Variants in MTDH observed in about 807,000 individuals in gnomAD.
MTDH encodes protein LYRIC.
In MTDH, 34 loss-of-function variants were observed where a neutral mutation model predicts 72.7. The observed-to-expected ratio is 0.47, with a 90% CI of 0.36 to 0.62. MTDH has a LOEUF of 0.62. Among genes scored for constraint, MTDH ranks in the 20% least tolerant of loss-of-function variants. MTDH has a pLI of 0.00. For missense variants in MTDH, 677 were observed against 699.4 expected, an observed-to-expected ratio of 0.97 and a Z score of 0.36; for synonymous variants, 266 against 268.9, an observed-to-expected ratio of 0.99 and a Z score of 0.10.
At chr8:97,659,975 A>G (rs1238448205) in intron 1 of MTDH, among the ~76,000 whole-genome samples, 4 of 152,178 alleles carry the variant, frequency 2.6e-5, no homozygotes, top group South Asian at 4.1e-4. Context: ...CCAGACCAAC[A>G]TGGTGAAACC....
chr8:97,648,227 A>G (rs1035686279), intron 1 of MTDH, among the ~76,000 whole-genome samples: 1 of 152,034 alleles, frequency 6.6e-6, no homozygotes, highest in East Asian at 1.9e-4. Context: ...GAGGGGGGCC[A>G]CTTTTTACTG....
chr8:97,708,264 C>CTTTTTTTTTTTTTTTTT (rs71271145), intron 8 of MTDH, among the ~76,000 whole-genome samples: 1 of 32,070 alleles, frequency 3.1e-5, no homozygotes, highest in African/African-American at 1.8e-4. Context: ...CATGCCAGGC[C>CTTTTTTTTTTTTTTTTT]TTTTTTTTTT....
chr8:97,687,032 GGTTT>G (rs1189248996), intron 3 of MTDH, among the ~76,000 whole-genome samples: 2 of 152,012 alleles, frequency 1.3e-5, no homozygotes, highest in African/African-American at 4.8e-5. Context: ...CTGGAATTAT[GGTTT>G]GTTTGTTTTT....
In MTDH at chr8:97,710,415, C is replaced by T. The variant is rs147227098; in HGVS notation, c.1273-3247C>T. Among the ~76,000 whole-genome samples, 417 of 152,136 alleles carry T rather than the reference C, an allele frequency of 2.7e-3. 3 individuals are homozygous for T. The highest frequency in any genetic ancestry group is 9.6e-3 in the African/African-American group (397 of 41,524). ...CACATACACTAAAATTGAGGCCAGGCGTGATGGCTCACATTTGTAATCCCA... is the reference window on the plus strand; with the variant it reads ...CACATACACTAAAATTGAGGCCAGGTGTGATGGCTCACATTTGTAATCCCA... On this transcript the variant is annotated intron_variant, in intron 8 of 11. Transcript: ENST00000336273.
chr8:97,677,077 G>A (rs997825057), intron 2 of MTDH, among the ~76,000 whole-genome samples: 3 of 146,500 alleles, frequency 2.0e-5, no homozygotes, highest in Non-Finnish European at 4.5e-5. Flanking sequence ...CAGCTACGTG[G>A]GAAGCTGAGG....
chr8:97,652,803 T>C lies in MTDH; in HGVS notation c.381+7916T>C, dbSNP rs538099707. Among the ~76,000 whole-genome samples, 5 of 152,326 alleles carry C rather than the reference T, an allele frequency of 3.3e-5. No individual in the cohort carries two copies. The South Asian group carries it at 1.0e-3, about 32-fold the overall frequency. On this transcript the variant is annotated intron_variant, in intron 1 of 11. Coordinates refer to ENST00000336273, the MANE Select transcript of MTDH (RefSeq NM_178812.4). The stretch of plus-strand genomic sequence containing the variant: ...CACTTGCCACCTATAGAGTTTTCTT[T>C]TTACCTTTAAGTCACTCTTTGTCAG...
intron 2 of MTDH, among the ~76,000 whole-genome samples, chr8:97,676,345 G>A (rs556616332): frequency 6.6e-5 from 10 of 152,096 alleles, no homozygotes; most frequent in East Asian, 3.9e-4. Context: ...AAATTTGTAC[G>A]GTATCCCCCT....
intron 6 of MTDH, among the ~76,000 whole-genome samples, chr8:97,691,872 T>G (rs1430107255): frequency 1.3e-5 from 2 of 152,004 alleles, no homozygotes; most frequent in African/African-American, 2.4e-5. Context: ...TTTTGTTGTT[T>G]TTTGTTTGTT....
intron 2 of MTDH, among the ~76,000 whole-genome samples, chr8:97,681,888 C>G (rs1176328837): frequency 6.6e-6 from 1 of 152,028 alleles, no homozygotes; most frequent in Admixed American, 6.6e-5. Flanking sequence ...GTTATGTATA[C>G]TCGGCTCCTA....
chr8:97,723,637 G>T (rs1338234195), intron 11 of MTDH, among the ~76,000 whole-genome samples: 3 of 150,226 alleles, frequency 2.0e-5, no homozygotes, highest in African/African-American at 7.4e-5. Flanking sequence ...CAGCTACTCG[G>T]GAGGCTGAGG....
chr8:97,714,273 C>T (rs1814760524), intron 9 of MTDH, among the ~76,000 whole-genome samples: 1 of 152,060 alleles, frequency 6.6e-6, no homozygotes, highest in South Asian at 2.1e-4. Context: ...TCTTTGCTCT[C>T]CTGTCTGGGG....
chr8:97,697,129 A>T (rs9773452), intron 6 of MTDH, among the ~76,000 whole-genome samples: 4,965 of 85,726 alleles, frequency 0.058, 605 homozygotes, highest in Non-Finnish European at 0.072. Context: ...CAAAAAAAAA[A>T]ATATATATAT....
intron 10 of MTDH, among the ~76,000 whole-genome samples, chr8:97,721,125 G>C (rs1815104622): frequency 1.3e-5 from 2 of 151,976 alleles, no homozygotes; most frequent in Admixed American, 6.6e-5. Flanking sequence ...CACTAAGAAA[G>C]GTAAAGAAAC....
At chr8:97,653,633 T>C (rs1405725294) in intron 1 of MTDH, among the ~76,000 whole-genome samples, 1 of 152,186 alleles carries the variant, frequency 6.6e-6, no homozygotes, top group African/African-American at 2.4e-5. Flanking sequence ...CCTATGAACA[T>C]TCATTTTTGT....
chr8:97,698,975 A>G (rs968656604), intron 6 of MTDH, among the ~76,000 whole-genome samples: 3 of 151,626 alleles, frequency 2.0e-5, no homozygotes, highest in Admixed American at 2.0e-4. Context: ...CCCTATCTCT[A>G]CGAAAAATTT....
At chr8:97,701,446 C>G (rs1448801593) in intron 7 of MTDH, among the ~76,000 whole-genome samples, 1 of 152,114 alleles carries the variant, frequency 6.6e-6, no homozygotes, top group Non-Finnish European at 1.5e-5. Context: ...ATATTCAGTA[C>G]AGACACAGTT....
chr8:97,692,608 C>T (rs1204686499), intron 6 of MTDH, among the ~76,000 whole-genome samples: 1 of 152,098 alleles, frequency 6.6e-6, no homozygotes, highest in African/African-American at 2.4e-5. Context: ...AAACTCCTGA[C>T]CTCAAGTGAT....
chr8:97,665,170 A>T (rs1012052037), intron 2 of MTDH, among the ~76,000 whole-genome samples: 2 of 152,174 alleles, frequency 1.3e-5, no homozygotes, highest in Non-Finnish European at 2.9e-5. Context: ...TGAGAAGTAC[A>T]ATTTTTGTCT....
intron 2 of MTDH, among the ~76,000 whole-genome samples, chr8:97,682,238 A>G (rs1245427762): frequency 6.7e-4 from 1 of 1,484 alleles, no homozygotes; most frequent in African/African-American, 3.3e-3. Flanking sequence ...CTTTATATAT[A>G]TATATATATA....
Sources: gnomAD v4.1 joint callset for allele counts (sites outside exome capture counted in the v4.1 genomes callset) on GRCh38, gnomAD v4.1.1 for gene constraint, MANE v1.5 for transcripts, NCBI Gene and HGNC (gene_info 2026-07-23, HGNC 2026-07-21) for gene names.